Variants in RBCK1 observed in about 807,000 individuals in gnomAD.
The protein encoded by RBCK1 is RANBP2-type and C3HC4-type zinc finger containing 1, also known as ranBP-type and C3HC4-type zinc finger-containing protein 1.
RBCK1 carries 44 observed loss-of-function variants against 71.1 expected under a neutral mutation model. That is an observed-to-expected ratio of 0.62 (90% CI 0.49 to 0.80). The LOEUF (loss-of-function observed/expected upper bound fraction) is 0.80. RBCK1 is among the 30% of genes least tolerant of loss of function. RBCK1 has a pLI of 0.00. For synonymous variants in RBCK1, 306 were observed against 279.7 expected (o/e 1.09, Z -0.94); for missense variants, 569 against 685.0 (o/e 0.83, Z 1.89).
chr20:428,989 G>T lies in RBCK1; in HGVS notation c.1347G>T (p.Gln449His). The T allele has an allele frequency of 3.1e-6, 5 of 1,611,684 alleles. No homozygotes were observed. Among genetic ancestry groups the T allele is most frequent in the Non-Finnish European group, 4.2e-6 (5 of 1,179,910 alleles). Reference sequence around the variant, plus strand: ...AGGGCGAGGCCATGCGCTGCCCCCAGTGCCAGATCGTGGTACAGAAGAAGG... The same window carrying T: ...AGGGCGAGGCCATGCGCTGCCCCCATTGCCAGATCGTGGTACAGAAGAAGG... ...LQQGEAMRCP[Q>H]CQIVVQKKDG... is the part of the protein sequence containing the mutation. Residue 449 changes from glutamine (Q) to histidine (H), a missense_variant, in exon 11 of 12, where the codon CAG becomes CAT. Gln to His is a conservative substitution (Grantham distance 24). Around this residue, in one of 2 missense-constraint regions of RBCK1, gnomAD observed 211 missense variants for 309.4 expected, o/e 0.68. Coordinates refer to ENST00000356286, the MANE Select transcript of RBCK1 (RefSeq NM_031229.4). The surrounding 1 kb of genome is among the most constrained non-coding windows in gnomAD (Gnocchi z 5.7).
intron 8 of RBCK1, among the ~76,000 whole-genome samples, chr20:423,097 C>T (rs183756924): frequency 4.6e-5 from 7 of 152,128 alleles, no homozygotes; most frequent in African/African-American, 1.4e-4. Context: ...GTCGGGAATT[C>T]GAGATCAGCC....
At chr20:410,545 C>T in intron 2 of RBCK1, 1 of 779,794 alleles carries the variant, frequency 1.3e-6, no homozygotes, top group East Asian at 2.4e-5. Context: ...TCCGTTAATT[C>T]CTGTGGACCA....
chr20:414,255 A>G (rs28570506), intron 2 of RBCK1, among the ~76,000 whole-genome samples: 5 of 151,916 alleles, frequency 3.3e-5, no homozygotes, highest in African/African-American at 1.2e-4. Context: ...TGCAAAAAAT[A>G]AAAAAAATTA....
Position 417,401 on chromosome 20 carries a change from G to A in RBCK1, c.168-125G>A, listed in dbSNP as rs2016058337. 2 of 791,674 alleles carry A rather than the reference G, an allele frequency of 2.5e-6. No individual in the cohort carries two copies. Among genetic ancestry groups the A allele is most frequent in the East Asian group, 2.8e-5 (1 of 35,700 alleles). 49.0% of individuals were successfully genotyped at this position (791,674 alleles called of 1,614,324 possible). A position where few individuals can be genotyped will look rare whatever the true frequency, so the allele number is the denominator to read the frequency against. ...GCCTACCCCAGACTGGGGTTTGTGT[G>A]TGTGTGTGTGTGTGTGTGTGTGCAT... On this transcript the variant is annotated intron_variant, in intron 2 of 11. Coordinates refer to ENST00000356286, the MANE Select transcript of RBCK1 (RefSeq NM_031229.4). The surrounding 1 kb of genome is among the most constrained non-coding windows in gnomAD (Gnocchi z 4.7).
At chr20:419,791 G>T (rs1355959775) in intron 6 of RBCK1, 60 bp downstream of exon 6, 2 of 1,500,232 alleles carry the variant, frequency 1.3e-6, no homozygotes, top group Admixed American at 4.1e-5. Flanking sequence ...TGTAGGCCAG[G>T]AAGGGAGACA....
chr20:419,694 TGGCGGGCGAGGAGGA>T lies in RBCK1; in HGVS notation c.724_738del (p.Gly242_Ala246del). 3.2e-6 allele frequency: 5 copies of T among 1,573,738 alleles called. No individual in the cohort carries two copies. The highest frequency in any genetic ancestry group is 4.3e-6 in the Non-Finnish European group (5 of 1,163,114). ...CCCGACGAGGAGGAGCGAGCGCGCCTGGCGGGCGAGGAGGAGGCGCTGCGTCAGTACCAGCAGGTG... is the reference window on the plus strand; with the variant it reads ...CCCGACGAGGAGGAGCGAGCGCGCCTGGCGCTGCGTCAGTACCAGCAGGTG... On this transcript the variant is annotated inframe_deletion, in exon 6 of 12. Transcript: ENST00000356286.
rs750244391 is a variant in RBCK1, at chr20:417,648, G to A, written c.261+29G>A. On this transcript the variant is annotated intron_variant, in intron 3 of 11. Transcript: ENST00000356286. The surrounding 1 kb of genome is among the most constrained non-coding windows in gnomAD (Gnocchi z 4.7). ...AGTGAGGAGGCGGAGGGCGACACTG[G>A]GGTGAAGGCTCTCCCTTTCACTCCT... 1.1e-5 allele frequency: 18 copies of A among 1,608,038 alleles called. No homozygotes were observed. The highest frequency in any genetic ancestry group is 1.5e-5 in the Non-Finnish European group (18 of 1,175,066).
chr20:422,152 A>T lies in RBCK1; in HGVS notation c.943A>T (p.Asn315Tyr). 6.2e-7 allele frequency: 1 copy of T among 1,612,666 alleles called. No individual in the cohort carries two copies. Among genetic ancestry groups the T allele is most frequent in the Non-Finnish European group, 8.5e-7 (1 of 1,179,852 alleles). Residue 315 changes from asparagine to tyrosine, a missense_variant, in exon 8 of 12, where the codon AAC (asparagine) becomes TAC (tyrosine). Asn to Tyr is a moderately radical substitution (Grantham distance 143). Around this residue, in one of 2 missense-constraint regions of RBCK1, gnomAD observed 211 missense variants for 309.4 expected, o/e 0.68. Transcript: ENST00000356286. The surrounding 1 kb of genome is among the most constrained non-coding windows in gnomAD (Gnocchi z 5.0). ...CRECLQGTIR[N>Y]SQEAEVSCPF... ...GGAGTGCCTGCAGGGCACCATCCGC[A>T]ACAGCCAGGAGGCGGAGGTCTCCTG...
intron 4 of RBCK1, among the ~76,000 whole-genome samples, chr20:418,576 G>C (rs571159196): frequency 1.1e-4 from 16 of 152,206 alleles, no homozygotes; most frequent in Admixed American, 2.0e-4. Flanking sequence ...CACCGTGTTA[G>C]CCAGGATGGT....
At chr20:419,854 GCTGGCAGTGACCCTGCAC>G (rs1285864862) in intron 6 of RBCK1, 123 bp downstream of exon 6, 46 of 1,443,260 alleles carry the variant, frequency 3.2e-5, no homozygotes, top group African/African-American at 4.3e-5. Flanking sequence ...CAACCATGCT[GCTGGCAGTGACCCTGCAC>G]CTGGCTGTGA....
At position 419,557 on chromosome 20, in the gene RBCK1, GGTGGGCTGGCA is replaced by G. The variant is rs1487503835; in HGVS notation, c.586_596del (p.Gly196ProfsTer15). On this transcript the variant is annotated frameshift_variant and splice_region_variant, in exon 6 of 12. Transcript: ENST00000356286. LOFTEE classifies it high-confidence loss of function. ...GGGCTCACAGCACCCTCTGCTCCCAGGTGGGCTGGCAGTGCCCCGGGTGCACCTTCATCAAC... is the reference window on the plus strand; with the variant it reads ...GGGCTCACAGCACCCTCTGCTCCCAGGTGCCCCGGGTGCACCTTCATCAAC... 1.2e-6 allele frequency: 2 copies of G among 1,606,550 alleles called. No individual in the cohort carries two copies. Among genetic ancestry groups the G allele is most frequent in the African/African-American group, 1.3e-5 (1 of 74,794 alleles).
chr20:429,643 C>G (rs2016919679), intron 11 of RBCK1, among the ~76,000 whole-genome samples: 1 of 152,248 alleles, frequency 6.6e-6, no homozygotes, highest in Admixed American at 6.5e-5. Context: ...TGGAGCACAG[C>G]CGTGTTCATT....
At chr20:418,391 C>T (rs553879706) in intron 4 of RBCK1, among the ~76,000 whole-genome samples, 47 of 151,610 alleles carry the variant, frequency 3.1e-4, no homozygotes, top group South Asian at 6.2e-4. Flanking sequence ...TTTTTTGAGA[C>T]GGAGTCTCGC....
At chr20:419,822 T>TC in intron 6 of RBCK1, 91 bp downstream of exon 6, 1 of 1,461,292 alleles carries the variant, frequency 6.8e-7, no homozygotes, top group Non-Finnish European at 9.0e-7. Context: ...GCCGCGCCTC[T>TC]CCGTTACTGC....
At chr20:415,980 C>T (rs1162047568) in intron 2 of RBCK1, among the ~76,000 whole-genome samples, 1 of 152,190 alleles carries the variant, frequency 6.6e-6, no homozygotes, top group Non-Finnish European at 1.5e-5. Flanking sequence ...TGTGAGGGAG[C>T]TGCCCCTATG....
Position 422,095 on chromosome 20 carries a change from G to T in RBCK1, c.918-32G>T. ...AGTCCCCAGTGAAGGGGGTTCCTAT[G>T]ATCCTAACTCTTTTCCCCTCCCCTC... is the stretch of plus-strand genomic sequence containing the variant. On this transcript the variant is annotated intron_variant, in intron 7 of 11. Transcript: ENST00000356286. The surrounding 1 kb of genome is among the most constrained non-coding windows in gnomAD (Gnocchi z 5.0). 1.3e-6 allele frequency: 2 copies of T among 1,571,018 alleles called. No individual in the cohort carries two copies. Among genetic ancestry groups the T allele is most frequent in the South Asian group, 2.2e-5 (2 of 90,278 alleles).
At chr20:420,371 T>C in intron 6 of RBCK1, 1 of 981,166 alleles carries the variant, frequency 1.0e-6, no homozygotes, top group Non-Finnish European at 1.2e-6. Flanking sequence ...TGGCCCCACC[T>C]GCATTCCCCT....
intron 4 of RBCK1, among the ~76,000 whole-genome samples, chr20:418,524 A>G (rs572166090): frequency 1.1e-4 from 17 of 151,972 alleles, no homozygotes; most frequent in Admixed American, 4.6e-4. Flanking sequence ...GCCCGCCACC[A>G]CGCCCGGCTA....
At chr20:416,595 TG>T (rs745473198) in intron 2 of RBCK1, among the ~76,000 whole-genome samples, 1 of 152,240 alleles carries the variant, frequency 6.6e-6, no homozygotes, top group Non-Finnish European at 1.5e-5. Flanking sequence ...CTGTTTCCTT[TG>T]GGGTCGGTTC....
Sources: gnomAD v4.1 joint callset for allele counts (sites outside exome capture counted in the v4.1 genomes callset) on GRCh38, gnomAD v4.1.1 for gene constraint, gnomAD v4.1.1 regional missense constraint, Gnocchi (gnomAD v3.1) non-coding constraint, MANE v1.5 for transcripts, NCBI Gene and HGNC (gene_info 2026-07-23, HGNC 2026-07-21) for gene names.